Variants in NOL4 observed in about 807,000 individuals in gnomAD.
The protein encoded by NOL4 is cancer/testis antigen 125.
A neutral mutation model predicts 75.9 loss-of-function variants in NOL4; 17 were observed. The observed-to-expected ratio is 0.22, with a 90% CI of 0.15 to 0.34. NOL4 has a LOEUF of 0.34. NOL4 is among the 10% of genes least tolerant of loss of function. The probability of loss-of-function intolerance (pLI) is 1.00; values close to 1 mark genes in which losing one functional copy is unlikely to be tolerated. For missense variants in NOL4, 614 were observed against 793.5 expected (o/e 0.77, Z 2.72); for synonymous variants, 292 against 289.9 (o/e 1.01, Z -0.07).
intron 1 of NOL4, among the ~76,000 whole-genome samples, chr18:34,185,674 C>G (rs973872789): frequency 2.6e-5 from 4 of 152,144 alleles, no homozygotes; most frequent in African/African-American, 9.7e-5. Context: ...AAGTTCTATT[C>G]AGGCCCCAAG....
In NOL4 at chr18:34,124,449, T is replaced by C. The variant is rs541037341; in HGVS notation, c.414+5422A>G. Among the ~76,000 whole-genome samples, 6 of 152,310 alleles carry C rather than the reference T, an allele frequency of 3.9e-5. No individual in the cohort carries two copies. In the East Asian group the frequency reaches 1.2e-3, roughly 29 times the overall value. ...TTTATTTCAAAATATACTCCAACATTTTTAAATATTTTGAATAGACATAGT... is the reference window on the plus strand; with the variant it reads ...TTTATTTCAAAATATACTCCAACATCTTTAAATATTTTGAATAGACATAGT... On this transcript the variant is annotated intron_variant, in intron 2 of 10. Coordinates refer to ENST00000261592, the MANE Select transcript of NOL4 (RefSeq NM_003787.5).
At chr18:34,120,766 A>G (rs1439012206) in intron 2 of NOL4, among the ~76,000 whole-genome samples, 1 of 152,194 alleles carries the variant, frequency 6.6e-6, no homozygotes, top group African/African-American at 2.4e-5. Context: ...AGAGGCAAAA[A>G]CAGCTTAAAA....
At chr18:34,123,615 ATATT>A (rs2080254425) in intron 2 of NOL4, among the ~76,000 whole-genome samples, 1 of 146,902 alleles carries the variant, frequency 6.8e-6, no homozygotes. Context: ...ACATCTTTCT[ATATT>A]TATATCTATA....
chr18:34,210,325 A>G (rs1449946941), intron 1 of NOL4, among the ~76,000 whole-genome samples: 1 of 152,226 alleles, frequency 6.6e-6, no homozygotes, highest in Non-Finnish European at 1.5e-5. Flanking sequence ...AGTAGTTCAG[A>G]ATTCGAAGTT....
intron 6 of NOL4, among the ~76,000 whole-genome samples, chr18:33,995,554 T>C (rs1250616869): frequency 6.6e-6 from 1 of 151,522 alleles, no homozygotes; most frequent in Non-Finnish European, 1.5e-5. Context: ...TGAGAAAAAC[T>C]TAACAAACTA....
chr18:34,046,607 C>CATACATATATATATATATATAT, intron 5 of NOL4, among the ~76,000 whole-genome samples: 1 of 81,654 alleles, frequency 1.2e-5, no homozygotes, highest in Admixed American at 1.4e-4. Context: ...TTTACTTATA[C>CATACATATATATATATATATAT]ATATATATAT....
At chr18:34,021,406 A>C (rs1450569354) in intron 5 of NOL4, among the ~76,000 whole-genome samples, 1 of 152,210 alleles carries the variant, frequency 6.6e-6, no homozygotes, top group Non-Finnish European at 1.5e-5. Flanking sequence ...TATGCAGGGC[A>C]AGTGAGAAGT....
intron 5 of NOL4, among the ~76,000 whole-genome samples, chr18:34,024,498 G>T (rs1004235333): frequency 1.3e-5 from 2 of 151,858 alleles, no homozygotes; most frequent in African/African-American, 4.8e-5. Context: ...TTGCAAAATA[G>T]TTTAAGTGCA....
intron 1 of NOL4, among the ~76,000 whole-genome samples, chr18:34,215,448 T>C (rs1227278643): frequency 6.6e-6 from 1 of 152,216 alleles, no homozygotes; most frequent in East Asian, 1.9e-4. Context: ...TTTTATTATA[T>C]GGTGAGAATC....
intron 10 of NOL4, among the ~76,000 whole-genome samples, chr18:33,858,067 AC>A: frequency 6.6e-6 from 1 of 152,062 alleles, no homozygotes; most frequent in African/African-American, 2.4e-5. Context: ...GGCAAGGAAA[AC>A]TACTTCAAAC....
intron 1 of NOL4, among the ~76,000 whole-genome samples, chr18:34,197,160 A>G (rs1214004557): frequency 6.6e-6 from 1 of 152,092 alleles, no homozygotes; most frequent in Non-Finnish European, 1.5e-5. Flanking sequence ...GGTTTTAGTG[A>G]TAGTCAATAT....
intron 1 of NOL4, among the ~76,000 whole-genome samples, chr18:34,168,892 T>C (rs1199857204): frequency 1.3e-5 from 2 of 151,660 alleles, no homozygotes; most frequent in South Asian, 2.1e-4. Context: ...ATAAACAAGA[T>C]AGATATGACA....
At chr18:33,937,326 C>G (rs1374944389) in intron 9 of NOL4, among the ~76,000 whole-genome samples, 1 of 152,078 alleles carries the variant, frequency 6.6e-6, no homozygotes, top group Non-Finnish European at 1.5e-5. Flanking sequence ...CATACCACCT[C>G]TCATGTTCAT....
At chr18:34,025,835 A>G (rs1490878106) in intron 5 of NOL4, among the ~76,000 whole-genome samples, 1 of 152,094 alleles carries the variant, frequency 6.6e-6, no homozygotes, top group African/African-American at 2.4e-5. Context: ...AGACCTGTTA[A>G]GTACCCATGT....
At chr18:34,198,872 C>T (rs1216980524) in intron 1 of NOL4, among the ~76,000 whole-genome samples, 1 of 151,808 alleles carries the variant, frequency 6.6e-6, no homozygotes, top group African/African-American at 2.4e-5. Flanking sequence ...AGCATACAAG[C>T]TCAAGTTCAA....
intron 6 of NOL4, among the ~76,000 whole-genome samples, chr18:34,014,124 T>C (rs1568215932): frequency 6.6e-6 from 1 of 152,004 alleles, no homozygotes; most frequent in Non-Finnish European, 1.5e-5. Context: ...CCATTAATCA[T>C]ATTTAAATGA....
At chr18:34,205,271 A>G (rs1371436865) in intron 1 of NOL4, among the ~76,000 whole-genome samples, 1 of 152,170 alleles carries the variant, frequency 6.6e-6, no homozygotes, top group Non-Finnish European at 1.5e-5. Context: ...TTTAAATGAT[A>G]TAACAATTCT....
At chr18:33,886,827 ATATATATC>A (rs1275381718) in intron 9 of NOL4, among the ~76,000 whole-genome samples, 40 of 133,544 alleles carry the variant, frequency 3.0e-4, no homozygotes, top group African/African-American at 1.0e-3. Flanking sequence ...ATCTATATAC[ATATATATC>A]TATATATCTA....
At chr18:34,102,602 T>C (rs1435877229) in intron 4 of NOL4, among the ~76,000 whole-genome samples, 2 of 152,010 alleles carry the variant, frequency 1.3e-5, no homozygotes, top group African/African-American at 4.8e-5. Flanking sequence ...TTGTGTAAAA[T>C]ACTTATGATT....
Sources: gnomAD v4.1 joint callset for allele counts (sites outside exome capture counted in the v4.1 genomes callset) on GRCh38, gnomAD v4.1.1 for gene constraint, MANE v1.5 for transcripts, NCBI Gene and HGNC (gene_info 2026-07-23, HGNC 2026-07-21) for gene names.